TSNARE1: variants seen among roughly 807,000 people sequenced by gnomAD.
The protein encoded by TSNARE1 is t-SNARE domain-containing protein 1.
Under a neutral mutation model 62.0 loss-of-function variants are expected in TSNARE1, and 49 were observed. That is an observed-to-expected ratio of 0.79 (90% CI 0.63 to 1.00). The LOEUF (loss-of-function observed/expected upper bound fraction) is 1.00, where lower values mean the gene tolerates loss of function less well. TSNARE1 is among the 50% of genes least tolerant of loss of function. TSNARE1 has a pLI of 0.00. For missense variants in TSNARE1, 755 were observed against 700.1 expected (o/e 1.08, Z -0.88); for synonymous variants, 328 against 294.4 (o/e 1.11, Z -1.17).
rs879924560 is a variant in TSNARE1 at position 142,328,821 on chromosome 8, G to C, written c.893+2080C>G. On this transcript the variant is annotated intron_variant, in intron 6 of 13. Coordinates refer to ENST00000524325, the MANE Select transcript of TSNARE1 (RefSeq NM_145003.5). ...GGGTCTGTGACAGGGAGGCCTTTGG[G>C]GGGGGGGAGGGTTCCGCACACAGGT... 9.1e-5 allele frequency among the ~76,000 whole-genome samples: 11 copies of C among 120,714 alleles called. No homozygotes were observed. The South Asian group carries it at 9.8e-4, about 11-fold the overall frequency. The allele number at this position is 120,714 out of a possible 152,430, so 79.2% of individuals were successfully genotyped here.
At chr8:142,307,955 G>C (rs1350600733) in intron 9 of TSNARE1, among the ~76,000 whole-genome samples, 1 of 152,176 alleles carries the variant, frequency 6.6e-6, no homozygotes, top group Non-Finnish European at 1.5e-5. Flanking sequence ...TTACCATCAT[G>C]GGTTTCTTTG....
At chr8:142,223,110 T>A (rs1274003528) in intron 13 of TSNARE1, among the ~76,000 whole-genome samples, 1 of 34,206 alleles carries the variant, frequency 2.9e-5, no homozygotes, top group Non-Finnish European at 7.2e-5. Flanking sequence ...ATTCACTCAC[T>A]CGTTCACTCA....
At chr8:142,261,312 G>A (rs1193955438) in intron 12 of TSNARE1, among the ~76,000 whole-genome samples, 1 of 136,732 alleles carries the variant, frequency 7.3e-6, no homozygotes, top group African/African-American at 2.8e-5. Context: ...GAGAGAGGAA[G>A]GAGGGATGGA....
intron 4 of TSNARE1, among the ~76,000 whole-genome samples, chr8:142,339,795 T>C (rs1255440841): frequency 2.0e-5 from 3 of 152,242 alleles, no homozygotes; most frequent in African/African-American, 7.2e-5. Flanking sequence ...TCCCCACACC[T>C]GCTGAGTCTG....
chr8:142,234,204 C>T (rs1263884642), intron 12 of TSNARE1, among the ~76,000 whole-genome samples: 1 of 151,994 alleles, frequency 6.6e-6, no homozygotes, highest in East Asian at 1.9e-4. Flanking sequence ...GCGCCATGAC[C>T]ACCACCATGG....
chr8:142,277,668 G>A, intron 11 of TSNARE1: 1 of 985,430 alleles, frequency 1.0e-6, no homozygotes, highest in Non-Finnish European at 1.2e-6. Context: ...CAGCAGCAGG[G>A]CAGGCCACTC....
chr8:142,399,995 G>C (rs1838169201), intron 1 of TSNARE1, among the ~76,000 whole-genome samples: 1 of 151,406 alleles, frequency 6.6e-6, no homozygotes, highest in Non-Finnish European at 1.5e-5. Context: ...AGGAGTTCAA[G>C]ACCAGCCTGG....
In TSNARE1 at chr8:142,268,686, G is replaced by A. The variant is rs550725569; in HGVS notation, c.1446+6095C>T. 1.4e-4 allele frequency among the ~76,000 whole-genome samples: 21 copies of A among 152,342 alleles called. 2 individuals carry two copies. In the South Asian group the frequency reaches 3.5e-3, roughly 26 times the overall value. ...CATCTGACTAACTCCCAGTCAGTGG[G>A]CTGAGATGCAGGCAGAGATCTCCTT... is the stretch of plus-strand genomic sequence containing the variant. On this transcript the variant is annotated intron_variant, in intron 12 of 13. Coordinates refer to ENST00000524325, the MANE Select transcript of TSNARE1 (RefSeq NM_145003.5).
intron 1 of TSNARE1, among the ~76,000 whole-genome samples, chr8:142,390,001 T>C (rs1837371151): frequency 6.6e-6 from 1 of 152,196 alleles, no homozygotes; most frequent in Admixed American, 6.5e-5. Flanking sequence ...AGCAGGCAAA[T>C]GTACTAAATG....
intron 9 of TSNARE1, among the ~76,000 whole-genome samples, chr8:142,311,473 T>C (rs952914105): frequency 6.6e-6 from 1 of 151,426 alleles, no homozygotes; most frequent in Non-Finnish European, 1.5e-5. Context: ...AATTTTGTAT[T>C]TTTAGTAGAG....
intron 10 of TSNARE1, among the ~76,000 whole-genome samples, chr8:142,296,037 C>T (rs1258276262): frequency 1.7e-4 from 4 of 23,356 alleles, no homozygotes; most frequent in Non-Finnish European, 2.2e-4. Context: ...GTCACTGTCA[C>T]GGGGGAGGGG....
chr8:142,278,896 A>G (rs1820943284), intron 11 of TSNARE1: 1 of 735,148 alleles, frequency 1.4e-6, no homozygotes. Context: ...GCTGGGGCCC[A>G]GGCTCCTCCC....
At chr8:142,253,538 ACCCCCC>A (rs1818281550) in intron 12 of TSNARE1, among the ~76,000 whole-genome samples, 1 of 144,812 alleles carries the variant, frequency 6.9e-6, no homozygotes, top group Admixed American at 6.8e-5. Context: ...TAGGGCGGTC[ACCCCCC>A]AGTCACCAGC....
At chr8:142,398,190 C>G (rs1440748139) in intron 1 of TSNARE1, among the ~76,000 whole-genome samples, 1 of 152,012 alleles carries the variant, frequency 6.6e-6, no homozygotes, top group Admixed American at 6.6e-5. Flanking sequence ...CAGGATTCTT[C>G]CCAGGTATCT....
At chr8:142,274,061 C>T (rs141506254) in intron 12 of TSNARE1, 1 of 985,400 alleles carries the variant, frequency 1.0e-6, no homozygotes, top group Non-Finnish European at 1.2e-6. Flanking sequence ...CCCACCGTGG[C>T]CCATGCCACC....
chr8:142,276,059 C>T (rs1820427864), intron 11 of TSNARE1: 1 of 985,318 alleles, frequency 1.0e-6, no homozygotes, highest in Non-Finnish European at 1.2e-6. Context: ...CCAGCTCCAC[C>T]CCACCCTTGC....
intron 4 of TSNARE1, among the ~76,000 whole-genome samples, chr8:142,343,007 C>T (rs917127064): frequency 6.6e-6 from 1 of 152,186 alleles, no homozygotes; most frequent in African/African-American, 2.4e-5. Context: ...TGCACCTGTC[C>T]CAGCACCTGC....
intron 12 of TSNARE1, chr8:142,270,516 A>ATATAT (rs1184942676): frequency 2.2e-6 from 2 of 927,272 alleles, no homozygotes; most frequent in African/African-American, 2.6e-5. Flanking sequence ...ATGTATTTAT[A>ATATAT]ACAGAAAATT....
intron 11 of TSNARE1, among the ~76,000 whole-genome samples, chr8:142,279,100 C>T (rs1334868267): frequency 6.6e-6 from 1 of 152,166 alleles, no homozygotes; most frequent in African/African-American, 2.4e-5. Context: ...GGGAAGCCCT[C>T]CTTCTTCCCA....
Sources: gnomAD v4.1 joint callset for allele counts (sites outside exome capture counted in the v4.1 genomes callset) on GRCh38, gnomAD v4.1.1 for gene constraint, MANE v1.5 for transcripts, NCBI Gene and HGNC (gene_info 2026-07-23, HGNC 2026-07-21) for gene names.